The following ZFP64 variants were observed in gnomAD, a reference collection of about 807,000 sequenced individuals.
ZFP64 encodes the protein zinc finger protein 64.
A neutral mutation model predicts 51.6 loss-of-function variants in ZFP64; 14 were observed. The ratio of observed to expected loss-of-function variants is 0.27; its 90% confidence interval spans 0.18 to 0.42. The LOEUF is 0.42. Ranked by LOEUF, ZFP64 falls within the 10% of genes least tolerant of loss-of-function variation. The pLI, the probability that ZFP64 is intolerant of heterozygous loss-of-function variation, is 1.00. For missense variants in ZFP64, 754 were observed against 906.8 expected (o/e 0.83, Z 2.16); for synonymous variants, 375 against 361.4 (o/e 1.04, Z -0.43).
In ZFP64 at chr20:52,100,087, G is replaced by A. The variant is rs142693986; in HGVS notation, c.764-1500C>T. 5.7e-4 allele frequency among the ~76,000 whole-genome samples: 86 copies of A among 152,178 alleles called. No homozygotes were observed. In the East Asian group the frequency reaches 0.016, roughly 28 times the overall value. On this transcript the variant is annotated intron_variant, in intron 5 of 8. Transcript: ENST00000361387. ...TGGCTCACTGCAAATTCCGCCTCCC[G>A]GGTTCACGCCATTCTCCTGCTTCAG...
At chr20:52,167,325 C>CA (rs1337195857) in intron 2 of ZFP64, among the ~76,000 whole-genome samples, 5 of 149,066 alleles carry the variant, frequency 3.4e-5, no homozygotes, top group African/African-American at 4.9e-5. Flanking sequence ...AACTCTGTCT[C>CA]AAAAAAAATA....
Position 52,142,377 on chromosome 20 carries a change from G to GACACACACACACACACGCGTGC in ZFP64, c.763+17745_763+17746insGCACGCGTGTGTGTGTGTGTGT, listed in dbSNP as rs749072185. Reference sequence around the variant, plus strand: ...AGTGAGACTTCATCACACACACACAGACACACACACACACACACACACACA... The same window carrying GACACACACACACACACGCGTGC: ...AGTGAGACTTCATCACACACACACAGACACACACACACACACGCGTGCACACACACACACACACACACACACA... On this transcript the variant is annotated intron_variant, in intron 5 of 8. Transcript: ENST00000361387. 1.1e-4 allele frequency among the ~76,000 whole-genome samples: 13 copies of GACACACACACACACACGCGTGC among 118,370 alleles called. 1 individual carries two copies. Among genetic ancestry groups the GACACACACACACACACGCGTGC allele is most frequent in the Non-Finnish European group, 2.2e-4 (12 of 54,426 alleles). 77.7% of individuals were successfully genotyped at this position (118,370 alleles called of 152,430 possible). A position where few individuals can be genotyped will look rare whatever the true frequency, so the allele number is the denominator to read the frequency against.
In ZFP64 at chr20:52,153,160, C is replaced by G. The variant is rs778694411; in HGVS notation, c.1032G>C (p.Lys344Asn). ...SRVHQSEHPE[K>N]CSECSYSCSS... ...AGCAGGAGTAGCTGCATTCCGAGCACTTCTCAGGATGCTCCGACTGGTGCA... is the reference window on the plus strand; with the variant it reads ...AGCAGGAGTAGCTGCATTCCGAGCAGTTCTCAGGATGCTCCGACTGGTGCA... The change falls in exon 6 of 6, where the codon AAG becomes AAC. Residue 344 changes from lysine to asparagine, a missense_variant. This residue lies in a region of ZFP64 where 428 missense variants were observed against 472.4 expected (regional missense o/e 0.91). Coordinates refer to ENST00000216923, the MANE Select transcript of ZFP64 (RefSeq NM_018197.3). The surrounding 1 kb of genome is among the most constrained non-coding windows in gnomAD (Gnocchi z 5.1). 6.2e-7 allele frequency: 1 copy of G among 1,614,218 alleles called. No homozygotes were observed. Among genetic ancestry groups the G allele is most frequent in the Non-Finnish European group, 8.5e-7 (1 of 1,180,042 alleles).
Position 52,160,005 on chromosome 20 carries a change from C to T in ZFP64, c.763+118G>A, listed in dbSNP as rs1055380709. On this transcript the variant is annotated intron_variant, in intron 5 of 5. Coordinates refer to ENST00000216923, the MANE Select transcript of ZFP64 (RefSeq NM_018197.3). The surrounding 1 kb of genome is among the most constrained non-coding windows in gnomAD (Gnocchi z 4.2). ...CAAAAAAAAACAAAACTGCAAACAACGGGATGAGCAAAGGTTCCAACTCGA... is the reference window on the plus strand; with the variant it reads ...CAAAAAAAAACAAAACTGCAAACAATGGGATGAGCAAAGGTTCCAACTCGA... 6.0e-5 allele frequency: 92 copies of T among 1,522,238 alleles called. No homozygotes were observed. In the East Asian group the frequency reaches 7.9e-4, roughly 13 times the overall value. 94.3% of individuals were successfully genotyped at this position (1,522,238 alleles called of 1,614,324 possible). A position where few individuals can be genotyped will look rare whatever the true frequency, so the allele number is the denominator to read the frequency against.
At chr20:52,186,339 T>A (rs748144690) in intron 2 of ZFP64, among the ~76,000 whole-genome samples, 2 of 152,184 alleles carry the variant, frequency 1.3e-5, no homozygotes, top group Non-Finnish European at 2.9e-5. Context: ...TTTGGTGGAA[T>A]GAGTGTACAC....
intron 5 of ZFP64, among the ~76,000 whole-genome samples, chr20:52,132,718 C>T (rs12624632): frequency 0.37 from 55,474 of 151,834 alleles, 10,874 homozygotes; most frequent in Non-Finnish European, 0.42. Flanking sequence ...CACAATAAAA[C>T]GTTTCCCAGT....
At chr20:52,163,237 T>C (rs1249153455) in intron 4 of ZFP64, among the ~76,000 whole-genome samples, 1 of 152,104 alleles carries the variant, frequency 6.6e-6, no homozygotes, top group African/African-American at 2.4e-5. Flanking sequence ...GGTGCATGCC[T>C]GTAATCCCAG....
In ZFP64 at chr20:52,104,269, C is replaced by T. The variant is rs553192722; in HGVS notation, c.764-5682G>A. ...GGGGGATGGGGGGATCCCTAACTTG[C>T]AGGAAGAATTTGGCGAGCGAGAAAA... On this transcript the variant is annotated intron_variant, in intron 5 of 8. Transcript: ENST00000361387. Among the ~76,000 whole-genome samples, 3 of 152,310 alleles carry T rather than the reference C, an allele frequency of 2.0e-5. No individual in the cohort carries two copies. In the East Asian group the frequency reaches 5.8e-4, roughly 29 times the overall value.
chr20:52,187,834 G>A (rs900673635), intron 1 of ZFP64, among the ~76,000 whole-genome samples: 2 of 152,128 alleles, frequency 1.3e-5, no homozygotes, highest in Admixed American at 1.3e-4. Context: ...TAAAAGGGAT[G>A]TCCTGCACTT....
chr20:52,155,885 A>C (rs1304824129), intron 5 of ZFP64, among the ~76,000 whole-genome samples: 1 of 152,184 alleles, frequency 6.6e-6, no homozygotes, highest in Non-Finnish European at 1.5e-5. Flanking sequence ...GATGTAGTCT[A>C]TCCAATTGCC....
At chr20:52,172,059 G>A (rs1488145058) in intron 2 of ZFP64, among the ~76,000 whole-genome samples, 1 of 152,122 alleles carries the variant, frequency 6.6e-6, no homozygotes, top group African/African-American at 2.4e-5. Flanking sequence ...CTGGGTGTTT[G>A]TATGCAATTT....
downstream of ZFP64, among the ~76,000 whole-genome samples, chr20:52,146,302 C>T (rs531691732): frequency 1.3e-5 from 2 of 152,224 alleles, no homozygotes; most frequent in African/African-American, 4.8e-5. Flanking sequence ...CGGCACTATT[C>T]ATAATAGCAA....
chr20:52,133,485 T>C (rs1979822295), intron 5 of ZFP64, among the ~76,000 whole-genome samples: 1 of 152,070 alleles, frequency 6.6e-6, no homozygotes, highest in South Asian at 2.1e-4. Flanking sequence ...AAAATACTAT[T>C]AGAACTGATA....
At chr20:52,119,555 C>CATAT (rs1160872873) in intron 5 of ZFP64, among the ~76,000 whole-genome samples, 23 of 77,732 alleles carry the variant, frequency 3.0e-4, no homozygotes, top group African/African-American at 1.0e-3. Context: ...TATATATATA[C>CATAT]ATATATATAT....
rs1393066921 is a variant in ZFP64, at chr20:52,144,667, C to A, written c.763+15456G>T. ...GAAATAAATAAAAGCAAAAGTGCTA[C>A]TTTTACTTTAATACAAATGACTAAA... On this transcript the variant is annotated intron_variant, in intron 5 of 8. Transcript: ENST00000361387. Among the ~76,000 whole-genome samples the A allele has an allele frequency of 4.2e-5, 6 of 143,094 alleles. No homozygotes were observed. In the East Asian group the frequency reaches 1.1e-3, roughly 26 times the overall value. The allele number at this position is 143,094 out of a possible 152,430, so 93.9% of individuals were successfully genotyped here. A position where few individuals can be genotyped will look rare whatever the true frequency, so the allele number is the denominator to read the frequency against.
At chr20:52,141,318 G>A in intron 5 of ZFP64, among the ~76,000 whole-genome samples, 1 of 152,054 alleles carries the variant, frequency 6.6e-6, no homozygotes, top group East Asian at 1.9e-4. Context: ...GATGCATCTG[G>A]GCAAAGTAAA....
chr20:52,098,172 C>CAATA (rs2079011859), intron 6 of ZFP64, among the ~76,000 whole-genome samples: 2 of 124,094 alleles, frequency 1.6e-5, no homozygotes, highest in Non-Finnish European at 3.3e-5. Flanking sequence ...AAACTGTCTC[C>CAATA]AAAAAAAAAA....
At chr20:52,159,261 T>G (rs573042669) in intron 5 of ZFP64, among the ~76,000 whole-genome samples, 1 of 152,252 alleles carries the variant, frequency 6.6e-6, no homozygotes, top group East Asian at 1.9e-4. Flanking sequence ...GAAAAAAGTA[T>G]GTAATTTATT....
chr20:52,152,133 G>C lies in ZFP64; in HGVS notation c.*13C>G. The C allele has an allele frequency of 6.2e-7, 1 of 1,602,024 alleles. No individual in the cohort carries two copies. Among genetic ancestry groups the C allele is most frequent in the African/African-American group, 1.3e-5 (1 of 74,572 alleles). ...TCAATTCCTTTCCCCCACTCCTTTT[G>C]TTTTTTTAAGCACTAATCTGGAATG... is the stretch of plus-strand genomic sequence containing the variant. On this transcript the variant is annotated 3_prime_UTR_variant, in exon 6 of 6. Coordinates refer to ENST00000216923, the MANE Select transcript of ZFP64 (RefSeq NM_018197.3).
Sources: allele counts gnomAD v4.1 joint callset (sites outside exome capture counted in the v4.1 genomes callset), GRCh38; gene constraint gnomAD v4.1.1; regional missense constraint gnomAD v4.1.1; non-coding constraint Gnocchi (gnomAD v3.1); transcripts MANE v1.5; gene names NCBI Gene and HGNC (gene_info 2026-07-23, HGNC 2026-07-21).